SPATS2L: variants seen among roughly 807,000 people sequenced by gnomAD.
The protein encoded by SPATS2L is spermatogenesis associated serine rich 2 like, also known as SPATS2-like protein.
A neutral mutation model predicts 59.6 loss-of-function variants in SPATS2L; 30 were observed. The observed-to-expected ratio is 0.50, with a 90% CI of 0.38 to 0.68. SPATS2L has a LOEUF of 0.68. Ranked by LOEUF, SPATS2L falls within the 30% of genes least tolerant of loss-of-function variation. The pLI, the probability that SPATS2L is intolerant of heterozygous loss-of-function variation, is 0.00. For synonymous variants in SPATS2L, 252 were observed against 263.5 expected (o/e 0.96, Z 0.42); for missense variants, 615 against 700.0 (o/e 0.88, Z 1.37).
At position 200,419,321 on chromosome 2, in the gene SPATS2L, G is replaced by T. The variant is rs1277732833; in HGVS notation, c.270G>T (p.Arg90Ser). The change falls in exon 6 of 13, where the codon AGG (arginine) becomes AGT (serine). Residue 90 changes from arginine to serine, a missense_variant. This residue lies in a region of SPATS2L where 227 missense variants were observed against 257.4 expected (regional missense o/e 0.88). Transcript: ENST00000409140. Reference sequence around the variant, plus strand: ...AAGATGCTAAAGACAAGGTGGAGAGGCCTGAGGCAGGGCCCCTGCAGCCGC... The same window carrying T: ...AAGATGCTAAAGACAAGGTGGAGAGTCCTGAGGCAGGGCCCCTGCAGCCGC... ...GNKDAKDKVE[R>S]PEAGPLQPQP... 1.9e-6 allele frequency: 3 copies of T among 1,608,022 alleles called. No homozygotes were observed. In the East Asian group the frequency reaches 6.7e-5, roughly 36 times the overall value.
chr2:200,329,309 G>A, intron 1 of SPATS2L, 122 bp from the exon 2 acceptor site: 1 of 796,026 alleles, frequency 1.3e-6, no homozygotes, highest in Admixed American at 2.1e-5. Context: ...TCATGGGTGA[G>A]GACGAATTCC....
At chr2:200,399,751 C>G (rs916385543) in intron 3 of SPATS2L, among the ~76,000 whole-genome samples, 2 of 152,094 alleles carry the variant, frequency 1.3e-5, no homozygotes, top group African/African-American at 2.4e-5. Flanking sequence ...GAGTGTGCTT[C>G]TAGTTTCCAT....
intron 6 of SPATS2L, among the ~76,000 whole-genome samples, chr2:200,422,308 G>A (rs1012534719): frequency 2.0e-5 from 3 of 152,116 alleles, no homozygotes; most frequent in South Asian, 2.1e-4. Context: ...AGGCTGAGGC[G>A]GGAGGATTGT....
chr2:200,381,953 G>A (rs970371726), intron 2 of SPATS2L, among the ~76,000 whole-genome samples: 1 of 152,262 alleles, frequency 6.6e-6, no homozygotes, highest in Non-Finnish European at 1.5e-5. Flanking sequence ...CCACTGGGCT[G>A]CATCACAGCT....
chr2:200,334,705 G>C (rs998457342), intron 2 of SPATS2L, among the ~76,000 whole-genome samples: 1 of 151,836 alleles, frequency 6.6e-6, no homozygotes, highest in African/African-American at 2.4e-5. Flanking sequence ...TGTAAGGAAG[G>C]GATCCAGTTT....
chr2:200,378,796 T>C (rs145342740), intron 2 of SPATS2L, among the ~76,000 whole-genome samples: 115 of 152,320 alleles, frequency 7.5e-4, no homozygotes, highest in Non-Finnish European at 1.3e-3. Flanking sequence ...ACAGAGCTTT[T>C]GTTTGCCAGG....
intron 2 of SPATS2L, among the ~76,000 whole-genome samples, chr2:200,376,199 C>T (rs1335323556): frequency 2.0e-5 from 3 of 152,146 alleles, no homozygotes; most frequent in African/African-American, 7.2e-5. Context: ...CGTATTAAAT[C>T]TGTTAAAGTC....
At chr2:200,451,430 T>C (rs1057088661) in intron 8 of SPATS2L, among the ~76,000 whole-genome samples, 4 of 152,194 alleles carry the variant, frequency 2.6e-5, no homozygotes, top group African/African-American at 7.2e-5. Context: ...AAATTATACA[T>C]GTGTACTACT....
rs2087696945 is a variant in SPATS2L at position 200,478,488 on chromosome 2, T to A, written c.*457T>A. The A allele has an allele frequency of 6.5e-6, 1 of 152,996 alleles. No individual in the cohort carries two copies. Among genetic ancestry groups the A allele is most frequent in the Non-Finnish European group, 1.5e-5 (1 of 68,308 alleles). The allele number at this position is 152,996 out of a possible 1,614,324, so 9.5% of individuals were successfully genotyped here. A position where few individuals can be genotyped will look rare whatever the true frequency, so the allele number is the denominator to read the frequency against. ...GTTTTTCTGAAAAAATATATATACA[T>A]ATATTGCTTTATTTGAAACAAATTA... On this transcript the variant is annotated 3_prime_UTR_variant, in exon 13 of 13. Transcript: ENST00000409140.
intron 8 of SPATS2L, among the ~76,000 whole-genome samples, chr2:200,445,410 C>T (rs2084967759): frequency 6.6e-6 from 1 of 152,232 alleles, no homozygotes; most frequent in Non-Finnish European, 1.5e-5. Flanking sequence ...AAATCCTTCT[C>T]ATCTGCTACT....
Position 200,306,752 on chromosome 2 carries a change from G to A in SPATS2L, c.-243G>A. ...GAGCTGGCTGCGCCCTCCGCTGCAA[G>A]CGCCGGCAGCGCGGGGCGAGCTCCG... On this transcript the variant is annotated 5_prime_UTR_variant, in exon 1 of 13. Transcript: ENST00000409140. 1 of 982,782 alleles carries A rather than the reference G, an allele frequency of 1.0e-6. No individual in the cohort carries two copies. The highest frequency in any genetic ancestry group is 1.2e-6 in the Non-Finnish European group (1 of 828,728). The allele number at this position is 982,782 out of a possible 1,614,324, so 60.9% of individuals were successfully genotyped here. A position where few individuals can be genotyped will look rare whatever the true frequency, so the allele number is the denominator to read the frequency against.
chr2:200,447,130 A>G lies in SPATS2L; in HGVS notation c.788+6346A>G, dbSNP rs534615670. On this transcript the variant is annotated intron_variant, in intron 8 of 12. Coordinates refer to ENST00000409140, the MANE Select transcript of SPATS2L (RefSeq NM_001100423.2). ...TTTTTCTCATTTTGCAATAAAACCA[A>G]ATATCACAGTGGGGACCAGGATTAG... Among the ~76,000 whole-genome samples, 169 of 152,340 alleles carry G rather than the reference A, an allele frequency of 1.1e-3. 1 individual carries two copies. Among genetic ancestry groups the G allele is most frequent in the Admixed American group, 2.5e-3 (38 of 15,298 alleles).
intron 6 of SPATS2L, among the ~76,000 whole-genome samples, chr2:200,422,284 C>G (rs994143691): frequency 6.6e-6 from 1 of 152,148 alleles, no homozygotes; most frequent in Non-Finnish European, 1.5e-5. Context: ...CACTTGTCAT[C>G]CCAGCGCTTT....
At chr2:200,393,032 C>T in intron 3 of SPATS2L, 1 of 343,186 alleles carries the variant, frequency 2.9e-6, no homozygotes, top group Non-Finnish European at 5.8e-6. Flanking sequence ...CCTTTTATGT[C>T]ATGGCTTCTT....
intron 6 of SPATS2L, among the ~76,000 whole-genome samples, chr2:200,433,912 TAGAA>T (rs2084104514): frequency 6.6e-6 from 1 of 151,886 alleles, no homozygotes; most frequent in African/African-American, 2.4e-5. Flanking sequence ...TTTCAGAAAA[TAGAA>T]AGAAGGAATA....
chr2:200,365,074 C>T (rs2081226682), intron 2 of SPATS2L, among the ~76,000 whole-genome samples: 1 of 152,094 alleles, frequency 6.6e-6, no homozygotes, highest in African/African-American at 2.4e-5. Flanking sequence ...AAAGTGAAAG[C>T]CACAGGTTTT....
intron 8 of SPATS2L, among the ~76,000 whole-genome samples, chr2:200,447,490 G>A (rs1463083058): frequency 1.3e-5 from 2 of 152,122 alleles, no homozygotes; most frequent in Non-Finnish European, 2.9e-5. Context: ...GTAAGCATAG[G>A]AAAAATACAT....
rs185731492 is a variant in SPATS2L at position 200,446,365 on chromosome 2, A to T, written c.788+5581A>T. Among the ~76,000 whole-genome samples, 159 of 152,284 alleles carry T rather than the reference A, an allele frequency of 1.0e-3. 1 individual carries two copies. The highest frequency in any genetic ancestry group is 1.0e-3 in the South Asian group (5 of 4,818). On this transcript the variant is annotated intron_variant, in intron 8 of 12. Transcript: ENST00000409140. The stretch of plus-strand genomic sequence containing the variant: ...GAACCAAAAACAGATAATTCTCTTG[A>T]CATCTGTGGTTGAAAACTGCTGGTT...
At position 200,441,281 on chromosome 2, in the gene SPATS2L, G is replaced by A. The variant is rs191950603; in HGVS notation, c.788+497G>A. ...GGTGCATCAATATGGTTTTGGTCCT[G>A]CCTTGCCCTTCCCTGCTACTGATTT... On this transcript the variant is annotated intron_variant, in intron 8 of 12. Coordinates refer to ENST00000409140, the MANE Select transcript of SPATS2L (RefSeq NM_001100423.2). Among the ~76,000 whole-genome samples, 320 of 152,270 alleles carry A rather than the reference G, an allele frequency of 2.1e-3. 1 individual carries two copies. Among genetic ancestry groups the A allele is most frequent in the Non-Finnish European group, 3.9e-3 (268 of 68,020 alleles).
Sources: allele counts gnomAD v4.1 joint callset (sites outside exome capture counted in the v4.1 genomes callset), GRCh38; gene constraint gnomAD v4.1.1; regional missense constraint gnomAD v4.1.1; transcripts MANE v1.5; gene names NCBI Gene and HGNC (gene_info 2026-07-23, HGNC 2026-07-21).